Variants in UBE3C observed in about 807,000 individuals in gnomAD.
UBE3C encodes ubiquitin-protein ligase E3C.
Under a neutral mutation model 129.4 loss-of-function variants are expected in UBE3C, and 42 were observed. The observed-to-expected ratio is 0.32, with a 90% CI of 0.25 to 0.42. The LOEUF (loss-of-function observed/expected upper bound fraction) is 0.42, where lower values mean the gene tolerates loss of function less well. UBE3C is among the 10% of genes least tolerant of loss of function. The pLI is 1.00. For missense variants in UBE3C, 1,049 were observed against 1,319.1 expected (o/e 0.80, Z 3.17); for synonymous variants, 510 against 492.4 (o/e 1.04, Z -0.47).
chr7:157,238,133 A>C (rs540593388), intron 18 of UBE3C, among the ~76,000 whole-genome samples: 1 of 152,352 alleles, frequency 6.6e-6, no homozygotes, highest in South Asian at 2.1e-4. Flanking sequence ...AGCAAATGTA[A>C]CTTTATGAAA....
At position 157,174,883 on chromosome 7, in the gene UBE3C, A is replaced by T. The variant is rs766260700; in HGVS notation, c.343-36A>T. The stretch of plus-strand genomic sequence containing the variant: ...TAAATTAGCAAACTATTAAATTTTC[A>T]TTGAGAGTTGTATATTTTATGTTTT... On this transcript the variant is annotated intron_variant, in intron 4 of 22. Coordinates refer to ENST00000348165, the MANE Select transcript of UBE3C (RefSeq NM_014671.3). 6 of 1,498,230 alleles carry T rather than the reference A, an allele frequency of 4.0e-6. No individual in the cohort carries two copies. The African/African-American group carries it at 5.6e-5, about 14-fold the overall frequency. The allele number at this position is 1,498,230 out of a possible 1,614,324, so 92.8% of individuals were successfully genotyped here. A position where few individuals can be genotyped will look rare whatever the true frequency, so the allele number is the denominator to read the frequency against.
chr7:157,170,185 T>G, intron 3 of UBE3C, 119 bp from the exon 4 acceptor site: 1 of 802,156 alleles, frequency 1.2e-6, no homozygotes, highest in Non-Finnish European at 1.7e-6. Context: ...GGACCGATAA[T>G]GGTGTTTTCG....
At chr7:157,189,680 T>A (rs1391485888) in intron 10 of UBE3C, among the ~76,000 whole-genome samples, 1 of 152,254 alleles carries the variant, frequency 6.6e-6, no homozygotes, top group Non-Finnish European at 1.5e-5. Context: ...TTTCAGCGGC[T>A]TCTTTCATAG....
intron 10 of UBE3C, among the ~76,000 whole-genome samples, chr7:157,190,689 TTC>T (rs1327753095): frequency 6.6e-6 from 1 of 152,204 alleles, no homozygotes; most frequent in African/African-American, 2.4e-5. Context: ...GATTATTGCA[TTC>T]TCTTGAACAG....
intron 1 of UBE3C, among the ~76,000 whole-genome samples, chr7:157,154,645 A>T (rs894180413): frequency 1.3e-5 from 2 of 152,214 alleles, no homozygotes; most frequent in African/African-American, 4.8e-5. Flanking sequence ...TTGCTATTAA[A>T]ATAGTGCCTT....
chr7:157,177,566 C>T (rs141751506), intron 5 of UBE3C, among the ~76,000 whole-genome samples: 23 of 152,350 alleles, frequency 1.5e-4, no homozygotes, highest in African/African-American at 4.8e-4. Context: ...TGCGTCCCAG[C>T]GGCTTGTTAT....
intron 11 of UBE3C, among the ~76,000 whole-genome samples, chr7:157,205,103 AGACT>A (rs1809397003): frequency 1.3e-5 from 2 of 152,204 alleles, no homozygotes; most frequent in South Asian, 4.1e-4. Flanking sequence ...TAAGTCTTTG[AGACT>A]GACCTGTTTT....
At chr7:157,225,608 T>G (rs1584801834) in intron 17 of UBE3C, 69 bp downstream of exon 17, 1 of 1,466,656 alleles carries the variant, frequency 6.8e-7, no homozygotes, top group South Asian at 1.5e-5. Context: ...AAAATGGTGG[T>G]TCTTTAAAAA....
At chr7:157,211,634 G>A (rs749601478) in intron 13 of UBE3C, among the ~76,000 whole-genome samples, 1 of 152,022 alleles carries the variant, frequency 6.6e-6, no homozygotes, top group Non-Finnish European at 1.5e-5. Flanking sequence ...GCATAAATGG[G>A]TTAACAAGTG....
intron 18 of UBE3C, among the ~76,000 whole-genome samples, chr7:157,232,027 T>C (rs1271715605): frequency 1.3e-5 from 2 of 152,222 alleles, no homozygotes; most frequent in African/African-American, 2.4e-5. Context: ...TTAGAGGCTC[T>C]AGAAGAATCC....
At chr7:157,253,850 A>G in intron 19 of UBE3C, 104 bp from the exon 20 acceptor site, 1 of 1,126,258 alleles carries the variant, frequency 8.9e-7, no homozygotes, top group Non-Finnish European at 1.2e-6. Context: ...TCTTGTTCAC[A>G]AAGCATCAAG....
intron 19 of UBE3C, among the ~76,000 whole-genome samples, chr7:157,252,260 A>G (rs1221113617): frequency 6.6e-6 from 1 of 152,234 alleles, no homozygotes; most frequent in Admixed American, 6.5e-5. Context: ...CAAGTACATC[A>G]TCATTTATTA....
intron 19 of UBE3C, among the ~76,000 whole-genome samples, chr7:157,252,585 C>G (rs1270507200): frequency 6.6e-6 from 1 of 152,198 alleles, no homozygotes; most frequent in African/African-American, 2.4e-5. Flanking sequence ...AAAATGAGAA[C>G]CAGCAAACGA....
intron 21 of UBE3C, among the ~76,000 whole-genome samples, chr7:157,254,999 T>C (rs1170646488): frequency 6.6e-6 from 1 of 151,806 alleles, no homozygotes; most frequent in Non-Finnish European, 1.5e-5. Context: ...TGCAGTCCCA[T>C]CTACGTCGGG....
chr7:157,267,499 G>A, intron 22 of UBE3C, 86 bp from the exon 23 acceptor site: 1 of 1,485,224 alleles, frequency 6.7e-7, no homozygotes, highest in Non-Finnish European at 9.3e-7. Context: ...ACTGATTGGA[G>A]CAGGCACATT....
At chr7:157,153,579 A>G (rs1807817858) in intron 1 of UBE3C, among the ~76,000 whole-genome samples, 1 of 152,178 alleles carries the variant, frequency 6.6e-6, no homozygotes, top group African/African-American at 2.4e-5. Flanking sequence ...TTGGGATTAC[A>G]GGTGTGAGCC....
chr7:157,139,283 T>A lies in UBE3C; in HGVS notation c.11T>A (p.Phe4Tyr). 1 of 1,581,202 alleles carries A rather than the reference T, an allele frequency of 6.3e-7. No individual in the cohort carries two copies. The highest frequency in any genetic ancestry group is 8.5e-7 in the Non-Finnish European group (1 of 1,170,664). MFS[F>Y]EGDFKTRPKV... is the part of the protein sequence containing the mutation. Reference sequence around the variant, plus strand: ...GGCTAGGCTGCCAGGATGTTCAGCTTCGAAGGCGACTTCAAGACGCGGCCC... The same window carrying A: ...GGCTAGGCTGCCAGGATGTTCAGCTACGAAGGCGACTTCAAGACGCGGCCC... The change falls in exon 1 of 23, where the codon TTC (phenylalanine) becomes TAC (tyrosine). Residue 4 changes from phenylalanine to tyrosine, a missense_variant. This residue lies in a region of UBE3C where 489 missense variants were observed against 513.8 expected (regional missense o/e 0.95). Transcript: ENST00000348165.
At chr7:157,180,581 A>ATT (rs369454211) in intron 6 of UBE3C, among the ~76,000 whole-genome samples, 27,517 of 152,232 alleles carry the variant, frequency 0.18, 2,656 homozygotes, top group East Asian at 0.35. Context: ...ATGTGCTACC[A>ATT]AATACGCTTG....
chr7:157,250,110 A>G (rs932775525), intron 19 of UBE3C, among the ~76,000 whole-genome samples: 3 of 152,200 alleles, frequency 2.0e-5, no homozygotes, highest in Non-Finnish European at 2.9e-5. Flanking sequence ...AAGTGGGGCT[A>G]TCAGTTCCAG....
Sources: gnomAD v4.1 joint callset for allele counts (sites outside exome capture counted in the v4.1 genomes callset) on GRCh38, gnomAD v4.1.1 for gene constraint, gnomAD v4.1.1 regional missense constraint, MANE v1.5 for transcripts, NCBI Gene and HGNC (gene_info 2026-07-23, HGNC 2026-07-21) for gene names.